SFI1: variants seen among roughly 807,000 people sequenced by gnomAD.
SFI1 encodes the protein protein SFI1 homolog.
SFI1 carries 195 observed loss-of-function variants against 207.5 expected under a neutral mutation model. The observed-to-expected ratio is 0.94, with a 90% CI of 0.84 to 1.06. The LOEUF (loss-of-function observed/expected upper bound fraction) is 1.06. Ranked by LOEUF, SFI1 falls within the 50% of genes least tolerant of loss-of-function variation. SFI1 has a pLI of 0.00. For synonymous variants in SFI1, 630 were observed against 598.9 expected (o/e 1.05, Z -0.76); for missense variants, 1,634 against 1,588.0 (o/e 1.03, Z -0.49).
At chr22:31,513,960 C>G (rs1471544573) in intron 2 of SFI1, among the ~76,000 whole-genome samples, 1 of 151,608 alleles carries the variant, frequency 6.6e-6, no homozygotes, top group African/African-American at 2.4e-5. Context: ...ATGGCAAGAC[C>G]CTGTCTCTGC....
In SFI1 at chr22:31,602,687, G is replaced by A; in HGVS notation, c.1707G>A (p.Glu569=). ...WHQQAAARHQ[E]QEWQTVACAH... is the part of the protein sequence containing the mutation. ...AGCAGGCAGCAGCACGTCACCAGGA[G>A]CAGGAGTGGCAAACAGTGGCCTGTG... Residue 569 remains glutamate, a synonymous_variant, in exon 17 of 33, where the codon GAG becomes GAA. Transcript: ENST00000400288. 14 of 1,614,228 alleles carry A rather than the reference G, an allele frequency of 8.7e-6. No individual in the cohort carries two copies. Among genetic ancestry groups the A allele is most frequent in the Non-Finnish European group, 1.1e-5 (13 of 1,180,048 alleles).
chr22:31,580,225 C>A, intron 11 of SFI1, 47 bp from the exon 12 acceptor site: 3 of 1,492,190 alleles, frequency 2.0e-6, no homozygotes, highest in Non-Finnish European at 2.8e-6. Context: ...TTTACAGACT[C>A]TACTGATCCC....
chr22:31,593,136 C>A, intron 15 of SFI1, among the ~76,000 whole-genome samples: 1 of 120,608 alleles, frequency 8.3e-6, no homozygotes, highest in Non-Finnish European at 1.9e-5. Context: ...GGGGGGCTGA[C>A]CCCCCCCCAC....
intron 2 of SFI1, among the ~76,000 whole-genome samples, chr22:31,524,699 T>G (rs2057696387): frequency 2.8e-4 from 3 of 10,582 alleles, no homozygotes; most frequent in Admixed American, 2.8e-3. Flanking sequence ...TTTAATTGGA[T>G]TTTTTTTTTT....
Position 31,523,045 on chromosome 22 carries a change from C to A in SFI1, c.93-5645C>A, listed in dbSNP as rs139684682. 9.9e-5 allele frequency among the ~76,000 whole-genome samples: 15 copies of A among 152,244 alleles called. No homozygotes were observed. In the East Asian group the frequency reaches 2.9e-3, roughly 29 times the overall value. On this transcript the variant is annotated intron_variant, in intron 2 of 32. Coordinates refer to ENST00000400288, the MANE Select transcript of SFI1 (RefSeq NM_001007467.3). Reference sequence around the variant, plus strand: ...AGTTTATGAACATCTGGGTTGTTTCCACCTTTTGGCTATTGTGAATTATGC... The same window carrying A: ...AGTTTATGAACATCTGGGTTGTTTCAACCTTTTGGCTATTGTGAATTATGC...
At chr22:31,577,788 A>C (rs1252482607) in intron 10 of SFI1, among the ~76,000 whole-genome samples, 1 of 152,188 alleles carries the variant, frequency 6.6e-6, no homozygotes, top group Non-Finnish European at 1.5e-5. Flanking sequence ...ATTCTGGATT[A>C]GCGGAGAGAG....
intron 1 of SFI1, among the ~76,000 whole-genome samples, chr22:31,498,267 C>G (rs367717531): frequency 9.3e-5 from 12 of 128,528 alleles, no homozygotes; most frequent in African/African-American, 3.1e-4. Flanking sequence ...TGCACTCCAG[C>G]CTGGGCGACA....
chr22:31,541,165 C>T (rs1405961877), intron 4 of SFI1, among the ~76,000 whole-genome samples: 1 of 152,124 alleles, frequency 6.6e-6, no homozygotes, highest in Non-Finnish European at 1.5e-5. Flanking sequence ...GTCTCATTTC[C>T]ACCCCTTTCT....
At chr22:31,508,201 C>A in intron 1 of SFI1, 54 bp from the exon 2 acceptor site, 2 of 1,010,412 alleles carry the variant, frequency 2.0e-6, no homozygotes, top group Non-Finnish European at 3.1e-6. Context: ...AGAAATGTGG[C>A]TCCTGAGAGG....
Position 31,546,532 on chromosome 22 carries a change from T to C in SFI1, c.339-329T>C, listed in dbSNP as rs538824419. On this transcript the variant is annotated intron_variant, in intron 4 of 32. Transcript: ENST00000400288. The stretch of plus-strand genomic sequence containing the variant: ...TTTTAGTAGAGATGCGGTTTCACCA[T>C]GTTGGCCAGGATCTCTTGACCTTGT... 4.6e-5 allele frequency among the ~76,000 whole-genome samples: 7 copies of C among 152,152 alleles called. No individual in the cohort carries two copies. The East Asian group carries it at 7.7e-4, about 17-fold the overall frequency.
At position 31,570,508 on chromosome 22, in the gene SFI1, G is replaced by A. The variant is rs180808234; in HGVS notation, c.766-2550G>A. ...CAAGAAGCTATGTTAAGGAGGCAGT[G>A]GGATATTGGGATATATGTGTGGAAT... On this transcript the variant is annotated intron_variant, in intron 8 of 32. Transcript: ENST00000400288. 1.4e-3 allele frequency among the ~76,000 whole-genome samples: 220 copies of A among 152,294 alleles called. 2 individuals are homozygous for A. The highest frequency in any genetic ancestry group is 5.2e-3 in the African/African-American group (215 of 41,568).
intron 2 of SFI1, among the ~76,000 whole-genome samples, chr22:31,509,286 T>C (rs1437511234): frequency 2.6e-5 from 4 of 152,196 alleles, no homozygotes; most frequent in African/African-American, 9.6e-5. Flanking sequence ...ATAGGCAGTC[T>C]GCAAGTTGAG....
chr22:31,611,054 A>G, intron 22 of SFI1, 89 bp from the exon 23 acceptor site: 2 of 1,557,164 alleles, frequency 1.3e-6, no homozygotes, highest in Middle Eastern at 1.7e-4. Context: ...ATCCCTGCAC[A>G]GCCATCTCTG....
At chr22:31,589,797 T>TTG (rs1008969810) in intron 15 of SFI1, among the ~76,000 whole-genome samples, 3 of 151,308 alleles carry the variant, frequency 2.0e-5, no homozygotes, top group Non-Finnish European at 4.4e-5. Flanking sequence ...TTTATTTTTT[T>TTG]TGTGTGTGTG....
intron 2 of SFI1, among the ~76,000 whole-genome samples, chr22:31,516,074 G>A (rs2056452397): frequency 6.6e-6 from 1 of 151,506 alleles, no homozygotes; most frequent in Non-Finnish European, 1.5e-5. Context: ...TCTTATTCCT[G>A]TTTTTCTCAT....
chr22:31,543,119 C>T (rs181506658), intron 4 of SFI1, among the ~76,000 whole-genome samples: 86 of 151,822 alleles, frequency 5.7e-4, no homozygotes, highest in African/African-American at 2.0e-3. Context: ...TACAGGTGCC[C>T]GCCACCACAC....
chr22:31,589,493 C>T lies in SFI1; in HGVS notation c.1460C>T (p.Pro487Leu). 1 of 1,614,026 alleles carries T rather than the reference C, an allele frequency of 6.2e-7. No homozygotes were observed. The highest frequency in any genetic ancestry group is 8.5e-7 in the Non-Finnish European group (1 of 1,180,012). ...GGTCATTTCCAGCAGAGAGCCCTGC[C>T]TGCTGCCTTCCACACATGGAACAGA... is the stretch of plus-strand genomic sequence containing the variant. The part of the protein sequence containing the change: ...ADGHFQQRAL[P>L]AAFHTWNRLW... The change falls in exon 15 of 33, where the codon CCT becomes CTT. Residue 487 changes from proline (P) to leucine (L), a missense_variant. Physicochemically the swap from Pro to Leu is moderately conservative, Grantham distance 98. Transcript: ENST00000400288.
In SFI1 at chr22:31,558,631, C is replaced by T. The variant is rs971021595; in HGVS notation, c.662+1572C>T. On this transcript the variant is annotated intron_variant, in intron 7 of 32. Transcript: ENST00000400288. ...TAGCTGGGATTACAGGCGCCTGCCACCATGCCCAGCTAATTTTTTGTATTT... is the reference window on the plus strand; with the variant it reads ...TAGCTGGGATTACAGGCGCCTGCCATCATGCCCAGCTAATTTTTTGTATTT... 1.8e-4 allele frequency among the ~76,000 whole-genome samples: 28 copies of T among 151,896 alleles called. 1 individual carries two copies. The highest frequency in any genetic ancestry group is 6.5e-4 in the African/African-American group (27 of 41,338).
intron 2 of SFI1, among the ~76,000 whole-genome samples, chr22:31,523,068 T>C (rs2057469772): frequency 6.6e-6 from 1 of 152,232 alleles, no homozygotes; most frequent in Non-Finnish European, 1.5e-5. Context: ...TTGTGAATTA[T>C]GCTGCTGTGA....
Sources: gnomAD v4.1 joint callset for allele counts (sites outside exome capture counted in the v4.1 genomes callset) on GRCh38, gnomAD v4.1.1 for gene constraint, MANE v1.5 for transcripts, NCBI Gene and HGNC (gene_info 2026-07-23, HGNC 2026-07-21) for gene names.